The following TTN variants were observed in gnomAD, a reference collection of about 807,000 sequenced individuals.
TTN encodes connectin.
Under a neutral mutation model 3,223.0 loss-of-function variants are expected in TTN, and 1,525 were observed. The observed-to-expected ratio is 0.47, with a 90% CI of 0.45 to 0.49. The LOEUF is 0.49. TTN is among the 20% of genes least tolerant of loss of function. The probability of loss-of-function intolerance (pLI) is 0.00; values close to 1 mark genes in which losing one functional copy is unlikely to be tolerated. For missense variants in TTN, 40,786 were observed against 43,424.0 expected (o/e 0.94, Z 5.40); for synonymous variants, 14,094 against 15,161.0 (o/e 0.93, Z 5.17).
In TTN at chr2:178,732,246, T is replaced by G. The variant is rs1253223397; in HGVS notation, c.16723A>C (p.Ile5575Leu). 6.2e-7 allele frequency: 1 copy of G among 1,613,726 alleles called. No homozygotes were observed. The highest frequency in any genetic ancestry group is 1.3e-5 in the African/African-American group (1 of 74,920). ...CKVTGTPPIK[I>L]TWFANDREIK... Reference sequence around the variant, plus strand: ...TCTCTATCATTTGCAAACCATGTTATTTTAATTGGAGGGGTACCAGTTACT... The same window carrying G: ...TCTCTATCATTTGCAAACCATGTTAGTTTAATTGGAGGGGTACCAGTTACT... The change falls in exon 57 of 363, where the codon ATA becomes CTA. Residue 5575 changes from isoleucine to leucine, a missense_variant. Transcript: ENST00000589042.
At position 178,570,930 on chromosome 2, in the gene TTN, C is replaced by T; in HGVS notation, c.75202G>A (p.Val25068Ile). 1 of 1,613,552 alleles carries T rather than the reference C, an allele frequency of 6.2e-7. No homozygotes were observed. Among genetic ancestry groups the T allele is most frequent in the Non-Finnish European group, 8.5e-7 (1 of 1,179,622 alleles). The part of the protein sequence containing the change: ...FTNIIDTHFE[V>I]TGLVEDHRYE... ...CTGTGATCTTCAACTAGGCCAGTTACTTCAAAATGAGTGTCAATAATATTT... is the reference window on the plus strand; with the variant it reads ...CTGTGATCTTCAACTAGGCCAGTTATTTCAAAATGAGTGTCAATAATATTT... Residue 25068 changes from valine to isoleucine, a missense_variant, in exon 326 of 363, where the codon GTA (valine) becomes ATA (isoleucine). By Grantham distance (29) the Val-to-Ile change is conservative. Transcript: ENST00000589042.
chr2:178,669,579 C>T lies in TTN; in HGVS notation c.35470+13G>A. On this transcript the variant is annotated intron_variant, in intron 158 of 362. Coordinates refer to ENST00000589042, the MANE Select transcript of TTN (RefSeq NM_001267550.2). Reference sequence around the variant, plus strand: ...AAGAATTATTTCATGTTCTGATTAGCATCACTGTATACCTTTAGCTGGTGG... The same window carrying T: ...AAGAATTATTTCATGTTCTGATTAGTATCACTGTATACCTTTAGCTGGTGG... 6.2e-7 allele frequency: 1 copy of T among 1,611,816 alleles called. No homozygotes were observed. The highest frequency in any genetic ancestry group is 1.1e-5 in the South Asian group (1 of 90,818).
chr2:178,538,479 G>A (rs1434699875), intron 354 of TTN, 61 bp downstream of exon 354: 33 of 1,495,694 alleles, frequency 2.2e-5, no homozygotes, highest in Non-Finnish European at 2.8e-5. Context: ...AGTATAGAGG[G>A]GGAATTAGCC....
At position 178,640,053 on chromosome 2, in the gene TTN, T is replaced by G. The variant is rs933543225; in HGVS notation, c.40781A>C (p.Glu13594Ala). Residue 13594 changes from glutamate (E) to alanine (A), a missense_variant, in exon 222 of 363, where the codon GAA becomes GCA. Coordinates refer to ENST00000589042, the MANE Select transcript of TTN (RefSeq NM_001267550.2). ...TTGAGGATAAGCTTGCTCACCTGCTTCGGGCTTTGGTTTCGGTTCAGGTGC... is the reference window on the plus strand; with the variant it reads ...TTGAGGATAAGCTTGCTCACCTGCTGCGGGCTTTGGTTTCGGTTCAGGTGC... Reference protein sequence around the residue: ...LPAPEPKPKPEAEVKTIKPPP... With the variant: ...LPAPEPKPKPAAEVKTIKPPP... The G allele has an allele frequency of 6.2e-7, 1 of 1,612,250 alleles. No individual in the cohort carries two copies. The highest frequency in any genetic ancestry group is 2.2e-5 in the East Asian group (1 of 44,790).
Position 178,605,618 on chromosome 2 carries a change from G to C in TTN, c.53677C>G (p.Pro17893Ala). The C allele has an allele frequency of 6.2e-7, 1 of 1,612,086 alleles. No homozygotes were observed. Among genetic ancestry groups the C allele is most frequent in the Non-Finnish European group, 8.5e-7 (1 of 1,178,724 alleles). Residue 17893 changes from proline to alanine, a missense_variant, in exon 279 of 363, where the codon CCC (proline) becomes GCC (alanine). By Grantham distance (27) the Pro-to-Ala change is conservative (BLOSUM62 -1). Coordinates refer to ENST00000589042, the MANE Select transcript of TTN (RefSeq NM_001267550.2). ...WKEPRSNGGSPIQGYIIEKRR... is the reference protein window; with the variant it reads ...WKEPRSNGGSAIQGYIIEKRR... ...TTTTCAATGATATATCCTTGGATGG[G>C]ACTGCCACCATTACTGCGGGGCTCT... is the stretch of plus-strand genomic sequence containing the variant.
At chr2:178,581,844 C>T (rs2047827207) in intron 315 of TTN, 40 bp from the exon 316 acceptor site, 1 of 1,598,740 alleles carries the variant, frequency 6.3e-7, no homozygotes, top group African/African-American at 1.4e-5. Context: ...ATGAAAACTT[C>T]CTTCCTGGGT....
Position 178,573,811 on chromosome 2 carries a change from A to C in TTN, c.72321T>G (p.Pro24107=), listed in dbSNP as rs755644705. The C allele has an allele frequency of 1.2e-6, 2 of 1,611,498 alleles. No homozygotes were observed. The highest frequency in any genetic ancestry group is 1.7e-5 in the Admixed American group (1 of 59,838). The change falls in exon 326 of 363, where the codon CCT becomes CCG. Residue 24107 remains proline, a synonymous_variant. Transcript: ENST00000589042. ...SGAYTLTATN[P]GGFAKHIFNV... is the part of the protein sequence containing the mutation. ...TGAAAATGTGTTTAGCAAAGCCACC[A>C]GGATTAGTCGCTGTAAGGGTATAGG... is the stretch of plus-strand genomic sequence containing the variant.
chr2:178,639,951 A>G (rs2061007188), intron 222 of TTN, 97 bp downstream of exon 222: 13 of 1,489,140 alleles, frequency 8.7e-6, no homozygotes, highest in Non-Finnish European at 1.2e-5. Context: ...ATCATTTGAT[A>G]CATACTGACT....
chr2:178,604,416 A>T, intron 281 of TTN, 111 bp from the exon 282 acceptor site: 1 of 920,286 alleles, frequency 1.1e-6, no homozygotes, highest in Non-Finnish European at 1.5e-6. Flanking sequence ...AGAAATAAAT[A>T]TATAGACTCA....
rs756868442 is a variant in TTN at position 178,738,218 on chromosome 2, C to G, written c.14235G>C (p.Lys4745Asn). The G allele has an allele frequency of 6.2e-7, 1 of 1,613,640 alleles. No individual in the cohort carries two copies. Among genetic ancestry groups the G allele is most frequent in the Non-Finnish European group, 8.5e-7 (1 of 1,179,764 alleles). ...TATACTTTGAAGATCGAATAGAACA[C>G]TTGTCACTCTCATAAATTTCTCGGC... ...KAGREIYESD[K>N]CSIRSSKYIS... Residue 4745 changes from lysine (K) to asparagine (N), a missense_variant, in exon 49 of 363, where the codon AAG becomes AAC. By Grantham distance (94) the Lys-to-Asn change is moderately conservative. Transcript: ENST00000589042.
In TTN at chr2:178,558,127, A is replaced by G; in HGVS notation, c.87227T>C (p.Val29076Ala). ...GGGGACACCATCTCTTGATAAGGTCACTTTGGGAAGTGGTTTTCCAGAGAT... is the reference window on the plus strand; with the variant it reads ...GGGGACACCATCTCTTGATAAGGTCGCTTTGGGAAGTGGTTTTCCAGAGAT... Reference protein sequence around the residue: ...IPISGKPLPKVTLSRDGVPLK... With the variant: ...IPISGKPLPKATLSRDGVPLK... Residue 29076 changes from valine to alanine, a missense_variant, in exon 328 of 363, where the codon GTG (valine) becomes GCG (alanine). Transcript: ENST00000589042. 1.9e-6 allele frequency: 3 copies of G among 1,613,918 alleles called. No homozygotes were observed. The Middle Eastern group carries it at 5.0e-4, about 266-fold the overall frequency.
In TTN at chr2:178,559,677, C is replaced by A; in HGVS notation, c.86455G>T (p.Asp28819Tyr). 2 of 1,611,238 alleles carry A rather than the reference C, an allele frequency of 1.2e-6. No homozygotes were observed. Among genetic ancestry groups the A allele is most frequent in the Non-Finnish European group, 1.7e-6 (2 of 1,178,558 alleles). The change falls in exon 326 of 363, where the codon GAC becomes TAC. Residue 28819 changes from aspartate (D) to tyrosine (Y), a missense_variant. Asp to Tyr is a radical substitution (Grantham distance 160). Transcript: ENST00000589042. ...ATTGTTAATGTGTACTTTCCAGAGTCATTTCTGTTGGCATTTTCAATGGTC... is the reference window on the plus strand; with the variant it reads ...ATTGTTAATGTGTACTTTCCAGAGTAATTTCTGTTGGCATTTTCAATGGTC... Reference protein sequence around the residue: ...SLTIENANRNDSGKYTLTIQN... With the variant: ...SLTIENANRNYSGKYTLTIQN...
intron 120 of TTN, 74 bp from the exon 121 acceptor site, chr2:178,692,173 G>A (rs1398685663): frequency 7.4e-7 from 1 of 1,351,708 alleles, no homozygotes; most frequent in African/African-American, 1.4e-5. Flanking sequence ...TTACATTAAA[G>A]CATAAATCTT....
intron 156 of TTN, among the ~76,000 whole-genome samples, chr2:178,670,555 C>G (rs1210013649): frequency 1.3e-5 from 2 of 151,910 alleles, no homozygotes; most frequent in Non-Finnish European, 2.9e-5. Context: ...GGTGCTATTA[C>G]TGTTTGTTTT....
At chr2:178,756,901 A>C in intron 45 of TTN, 104 bp from the exon 46 acceptor site, 2 of 1,053,566 alleles carry the variant, frequency 1.9e-6, no homozygotes, top group East Asian at 5.1e-5. Context: ...AAGATGAAAG[A>C]CGTAGTTGTC....
chr2:178,574,025 T>C lies in TTN; in HGVS notation c.72107A>G (p.Lys24036Arg), dbSNP rs1709185924. The C allele has an allele frequency of 1.2e-6, 2 of 1,613,488 alleles. No individual in the cohort carries two copies. Among genetic ancestry groups the C allele is most frequent in the Non-Finnish European group, 1.7e-6 (2 of 1,179,622 alleles). The change falls in exon 326 of 363, where the codon AAG (lysine) becomes AGG (arginine). Residue 24036 changes from lysine (K) to arginine (R), a missense_variant. By Grantham distance (26) the Lys-to-Arg change is conservative. Transcript: ENST00000589042. ...APKIKVDVKF[K>R]DTVILKAGEA... is the part of the protein sequence containing the mutation. ...ACCTGCTTTTAATATAACCGTGTCC[T>C]TAAATTTAACATCCACCTTTATCTT...
rs374233884 is a variant in TTN at position 178,616,867 on chromosome 2, G to T, written c.48022C>A (p.Arg16008=). 1.9e-6 allele frequency: 3 copies of T among 1,612,540 alleles called. No individual in the cohort carries two copies. The part of the protein sequence containing the change: ...FGDKVLETGD[R]VKMKTLSAYA... ...GCAGACAAGGTCTTCATTTTCACCC[G>T]GTCCCCTGTTTCTAGTACTTTATCT... The change falls in exon 256 of 363, where the codon CGG becomes AGG. Residue 16008 remains arginine (R), a synonymous_variant. Transcript: ENST00000589042.
Position 178,557,718 on chromosome 2 carries a change from G to C in TTN, c.87636C>G (p.Ile29212Met). The C allele has an allele frequency of 6.2e-7, 1 of 1,613,928 alleles. No individual in the cohort carries two copies. The highest frequency in any genetic ancestry group is 8.5e-7 in the Non-Finnish European group (1 of 1,179,854). Residue 29212 changes from isoleucine (I) to methionine (M), a missense_variant, in exon 328 of 363, where the codon ATC (isoleucine) becomes ATG (methionine). Physicochemically the swap from Ile to Met is conservative, Grantham distance 10. Transcript: ENST00000589042. Reference protein sequence around the residue: ...LTTGEEYQFRIKAENRFGISD... With the variant: ...LTTGEEYQFRMKAENRFGISD... Reference sequence around the variant, plus strand: ...TGATGCCAAAGCGGTTTTCTGCCTTGATGCGGAATTGGTATTCTTCTCCTG... The same window carrying C: ...TGATGCCAAAGCGGTTTTCTGCCTTCATGCGGAATTGGTATTCTTCTCCTG...
In TTN at chr2:178,740,160, T is replaced by G. The variant is rs1553938042; in HGVS notation, c.13073A>C (p.Glu4358Ala). 3.7e-6 allele frequency: 6 copies of G among 1,613,736 alleles called. No individual in the cohort carries two copies. The highest frequency in any genetic ancestry group is 4.2e-6 in the Non-Finnish European group (5 of 1,179,786). ...NVVMPPDQII[E>A]SKREPVAIKK... ...TATTGCCACGGGCTCTCTTTTAGAC[T>G]CAATGATTTGGTCTGGGGGCATCAC... Residue 4358 changes from glutamate (E) to alanine (A), a missense_variant, in exon 48 of 363, where the codon GAG becomes GCG. Transcript: ENST00000589042.
Sources: allele counts gnomAD v4.1 joint callset (sites outside exome capture counted in the v4.1 genomes callset), GRCh38; gene constraint gnomAD v4.1.1; transcripts MANE v1.5; gene names NCBI Gene and HGNC (gene_info 2026-07-23, HGNC 2026-07-21).